Variants in ALG9 observed in about 807,000 individuals in gnomAD.
The protein encoded by ALG9 is ALG9 alpha-1,2-mannosyltransferase.
ALG9 carries 55 observed loss-of-function variants against 81.8 expected under a neutral mutation model. The ratio of observed to expected loss-of-function variants is 0.67; its 90% CI spans 0.54 to 0.84. The LOEUF is 0.84. ALG9 is among the 40% of genes least tolerant of loss of function. The probability of loss-of-function intolerance (pLI) is 0.00; values close to 1 mark genes in which losing one functional copy is unlikely to be tolerated. For missense variants in ALG9, 629 were observed against 745.0 expected, an observed-to-expected ratio of 0.84 and a Z score of 1.81; for synonymous variants, 278 against 274.3, an observed-to-expected ratio of 1.01 and a Z score of -0.13.
At chr11:111,769,923 C>G in the ALG9 span, among the ~76,000 whole-genome samples, 1 of 152,066 alleles carries the variant, frequency 6.6e-6, no homozygotes, top group Non-Finnish European at 1.5e-5. Context: ...GACTTCAGTT[C>G]CCATCTCTGT....
chr11:111,798,248 TA>T, intron 14 of ALG9: 1 of 282,758 alleles, frequency 3.5e-6, no homozygotes, highest in South Asian at 3.1e-5. Flanking sequence ...ATCCCCAAAC[TA>T]AAGGTGAAAG....
At chr11:111,795,826 A>T (rs996971724) in intron 14 of ALG9, among the ~76,000 whole-genome samples, 1 of 152,200 alleles carries the variant, frequency 6.6e-6, no homozygotes, top group African/African-American at 2.4e-5. Context: ...CTGGGGAAAA[A>T]TGCTATTAGG....
At chr11:111,800,296 T>A (rs7936504) in intron 14 of ALG9, among the ~76,000 whole-genome samples, 1 of 151,374 alleles carries the variant, frequency 6.6e-6, no homozygotes, top group Non-Finnish European at 1.5e-5. Flanking sequence ...CTGGCTAACA[T>A]GGTAAAACCC....
chr11:111,850,860 TTCTC>T (rs1337083452), intron 8 of ALG9, among the ~76,000 whole-genome samples: 6 of 152,174 alleles, frequency 3.9e-5, no homozygotes, highest in African/African-American at 9.6e-5. Context: ...GGTATGCCAA[TTCTC>T]TCTGTTTCAA....
chr11:111,840,009 G>A (rs1282488178), intron 10 of ALG9, among the ~76,000 whole-genome samples: 2 of 152,006 alleles, frequency 1.3e-5, no homozygotes, highest in Non-Finnish European at 2.9e-5. Context: ...AACTGACTGT[G>A]GTGACAACTG....
intron 8 of ALG9, among the ~76,000 whole-genome samples, chr11:111,846,010 C>T (rs1351876605): frequency 3.9e-5 from 6 of 152,194 alleles, no homozygotes; most frequent in African/African-American, 1.4e-4. Flanking sequence ...GGTCCTATTC[C>T]AGGCCCAGTT....
chr11:111,849,037 GTTTC>G (rs34647018), intron 8 of ALG9, among the ~76,000 whole-genome samples: 23,376 of 151,112 alleles, frequency 0.15, 2,124 homozygotes, highest in South Asian at 0.3. Context: ...TTTATTCAAT[GTTTC>G]TTTCTTTCTT....
chr11:111,793,848 A>G (rs1221214530), intron 14 of ALG9, among the ~76,000 whole-genome samples: 1 of 152,204 alleles, frequency 6.6e-6, no homozygotes, highest in Non-Finnish European at 1.5e-5. Flanking sequence ...CAAAGATCAG[A>G]CTGATTCACA....
intron 13 of ALG9, among the ~76,000 whole-genome samples, chr11:111,820,073 A>C (rs1483330216): frequency 6.6e-6 from 1 of 152,230 alleles, no homozygotes. Flanking sequence ...TAAATCTACT[A>C]AACAAAATCA....
chr11:111,853,061 G>A (rs192458080), intron 8 of ALG9, among the ~76,000 whole-genome samples: 20 of 135,588 alleles, frequency 1.5e-4, no homozygotes, highest in South Asian at 2.3e-4. Flanking sequence ...AATAAGAAGA[G>A]AAAAAAGTAA....
the ALG9 span, among the ~76,000 whole-genome samples, chr11:111,768,169 G>A: frequency 6.6e-6 from 1 of 152,314 alleles, no homozygotes; most frequent in South Asian, 2.1e-4. Flanking sequence ...CAGAAAAATG[G>A]TGAGAAAATT....
the ALG9 span, among the ~76,000 whole-genome samples, chr11:111,769,638 C>A: frequency 4.6e-5 from 7 of 151,210 alleles, no homozygotes; most frequent in Non-Finnish European, 8.8e-5. Context: ...AAATTAAAGT[C>A]TTCAGAAATA....
At chr11:111,792,857 T>C (rs1470373103) in intron 14 of ALG9, among the ~76,000 whole-genome samples, 1 of 152,256 alleles carries the variant, frequency 6.6e-6, no homozygotes, top group Non-Finnish European at 1.5e-5. Flanking sequence ...CTGTGATCTT[T>C]AGTAGCATTA....
intron 14 of ALG9, 105 bp downstream of exon 14, chr11:111,809,538 A>ACACG (rs2136418096): frequency 7.3e-7 from 1 of 1,368,944 alleles, no homozygotes. Context: ...ACACACACAC[A>ACACG]CGATGGCTAC....
At chr11:111,844,850 C>G in intron 8 of ALG9, 127 bp from the exon 9 acceptor site, 1 of 992,016 alleles carries the variant, frequency 1.0e-6, no homozygotes, top group Admixed American at 1.7e-5. Flanking sequence ...TGAGAGTGCA[C>G]AGCCCACTCT....
chr11:111,868,070 T>G (rs1555155023), intron 3 of ALG9, among the ~76,000 whole-genome samples: 1 of 152,050 alleles, frequency 6.6e-6, no homozygotes, highest in Non-Finnish European at 1.5e-5. Context: ...TGAAAAAGTA[T>G]TCAAAAAAAT....
At chr11:111,848,690 T>C (rs1957297511) in intron 8 of ALG9, among the ~76,000 whole-genome samples, 1 of 152,310 alleles carries the variant, frequency 6.6e-6, no homozygotes, top group South Asian at 2.1e-4. Flanking sequence ...TGCTCATGTC[T>C]GAATAGTTTC....
intron 13 of ALG9, among the ~76,000 whole-genome samples, chr11:111,821,836 G>A (rs577026454): frequency 5.9e-5 from 9 of 152,062 alleles, no homozygotes; most frequent in African/African-American, 1.4e-4. Context: ...AGGTTTCACC[G>A]TGTTAGCCAG....
chr11:111,802,830 C>T (rs1483483958), intron 14 of ALG9, among the ~76,000 whole-genome samples: 1 of 152,158 alleles, frequency 6.6e-6, no homozygotes, highest in Non-Finnish European at 1.5e-5. Flanking sequence ...ATTTCTGTAG[C>T]TTCTGTGTCT....
Sources: gnomAD v4.1 joint callset for allele counts (sites outside exome capture counted in the v4.1 genomes callset) on GRCh38, gnomAD v4.1.1 for gene constraint, MANE v1.5 for transcripts, NCBI Gene and HGNC (gene_info 2026-07-23, HGNC 2026-07-21) for gene names.